Variants in KSR2 observed in about 807,000 individuals in gnomAD.
KSR2 encodes kinase suppressor of ras 2.
KSR2 carries 25 observed loss-of-function variants against 107.8 expected under a neutral mutation model. That is an observed-to-expected ratio of 0.23 (90% CI 0.17 to 0.32). The LOEUF is 0.32. Ranked by LOEUF, KSR2 falls within the 10% of genes least tolerant of loss-of-function variation. KSR2 has a pLI of 1.00. For synonymous variants in KSR2, 480 were observed against 507.0 expected (o/e 0.95, Z 0.71); for missense variants, 887 against 1,268.9 (o/e 0.70, Z 4.57).
chr12:117,796,954 C>T (rs1335266480), intron 3 of KSR2, among the ~76,000 whole-genome samples: 3 of 152,192 alleles, frequency 2.0e-5, no homozygotes, highest in Non-Finnish European at 2.9e-5. Flanking sequence ...CACCAAGTGC[C>T]TACTGAGTGC....
intron 1 of KSR2, among the ~76,000 whole-genome samples, chr12:117,866,076 G>A (rs374592497): frequency 5.3e-5 from 7 of 132,856 alleles, no homozygotes; most frequent in South Asian, 2.3e-4. Context: ...TCACTCTGTC[G>A]CCCAGGATGG....
rs147977465 is a variant in KSR2, at chr12:117,557,519, G to C, written c.1393+987C>G. The stretch of plus-strand genomic sequence containing the variant: ...GCCATAAATCGTGCATTTCTAACAA[G>C]CTCCCAGGTGATCCTGATGCTGCTG... On this transcript the variant is annotated intron_variant, in intron 8 of 19. Coordinates refer to ENST00000339824, the MANE Select transcript of KSR2 (RefSeq NM_173598.6). Among the ~76,000 whole-genome samples the C allele has an allele frequency of 2.1e-3, 325 of 152,296 alleles. 4 individuals carry two copies. The highest frequency in any genetic ancestry group is 1.4e-3 in the Non-Finnish European group (95 of 68,032).
chr12:117,736,631 G>A (rs549140797), intron 4 of KSR2, among the ~76,000 whole-genome samples: 11 of 152,088 alleles, frequency 7.2e-5, no homozygotes, highest in Admixed American at 2.0e-4. Flanking sequence ...GCAACGTGGC[G>A]AAACCCTGTC....
At chr12:117,875,490 C>A (rs899568805) in intron 1 of KSR2, among the ~76,000 whole-genome samples, 1 of 152,040 alleles carries the variant, frequency 6.6e-6, no homozygotes, top group African/African-American at 2.4e-5. Context: ...GGCTCTCAGC[C>A]CATTTTACAC....
At chr12:117,815,293 T>C (rs1891329155) in intron 3 of KSR2, among the ~76,000 whole-genome samples, 1 of 152,174 alleles carries the variant, frequency 6.6e-6, no homozygotes, top group Non-Finnish European at 1.5e-5. Flanking sequence ...GTTGGATCAT[T>C]ACACAATTAG....
At chr12:117,484,301 T>G in intron 16 of KSR2, 115 bp downstream of exon 16, 1 of 1,213,786 alleles carries the variant, frequency 8.2e-7, no homozygotes, top group Non-Finnish European at 1.2e-6. Context: ...CCCACTCAGC[T>G]CAGCAACCTC....
chr12:117,513,329 T>C (rs1218330111), intron 14 of KSR2, among the ~76,000 whole-genome samples: 1 of 152,234 alleles, frequency 6.6e-6, no homozygotes, highest in Non-Finnish European at 1.5e-5. Context: ...ATTTGATTTA[T>C]GGACCTAATT....
At chr12:117,864,880 T>C (rs1176623960) in intron 1 of KSR2, among the ~76,000 whole-genome samples, 1 of 152,114 alleles carries the variant, frequency 6.6e-6, no homozygotes, top group East Asian at 1.9e-4. Context: ...TTCTGAGACA[T>C]TGAGGATTAG....
intron 1 of KSR2, among the ~76,000 whole-genome samples, chr12:117,867,727 G>A (rs1893522783): frequency 6.6e-6 from 1 of 152,204 alleles, no homozygotes; most frequent in African/African-American, 2.4e-5. Flanking sequence ...ACTCTTGCCT[G>A]GCTATTGGCT....
chr12:117,490,824 A>G (rs1251376461), intron 14 of KSR2, among the ~76,000 whole-genome samples: 3 of 152,196 alleles, frequency 2.0e-5, no homozygotes, highest in African/African-American at 7.2e-5. Context: ...AACGTGTAAA[A>G]ATTGTACATA....
rs1373273492 is a variant in KSR2 at position 117,555,091 on chromosome 12, T to C, written c.1518+78A>G. On this transcript the variant is annotated intron_variant, in intron 9 of 19. Coordinates refer to ENST00000339824, the MANE Select transcript of KSR2 (RefSeq NM_173598.6). ...TAGGAGGGAGCGCCATACTCCCAGA[T>C]CAACCCTTCCTCCCTCCTACCCCTC... is the stretch of plus-strand genomic sequence containing the variant. 14 of 1,579,814 alleles carry C rather than the reference T, an allele frequency of 8.9e-6. No individual in the cohort carries two copies. The Admixed American group carries it at 2.4e-4, about 27-fold the overall frequency.
intron 3 of KSR2, among the ~76,000 whole-genome samples, chr12:117,794,649 C>G (rs1343434367): frequency 2.0e-5 from 3 of 149,610 alleles, no homozygotes; most frequent in Non-Finnish European, 4.5e-5. Flanking sequence ...TATGCACACT[C>G]AAAACACTCA....
At chr12:117,856,569 C>T (rs747830772) in intron 2 of KSR2, among the ~76,000 whole-genome samples, 15 of 152,060 alleles carry the variant, frequency 9.9e-5, no homozygotes, top group Admixed American at 5.9e-4. Flanking sequence ...ATCCACCTCC[C>T]GGGTTCAAGC....
At chr12:117,576,024 C>T (rs188619426) in intron 7 of KSR2, among the ~76,000 whole-genome samples, 1 of 152,194 alleles carries the variant, frequency 6.6e-6, no homozygotes, top group Non-Finnish European at 1.5e-5. Flanking sequence ...CTTACCCCCC[C>T]ACCCTATCCC....
chr12:117,869,439 G>A lies in KSR2; in HGVS notation c.181-9008C>T, dbSNP rs145567340. Among the ~76,000 whole-genome samples the A allele has an allele frequency of 1.5e-3, 234 of 152,268 alleles. 1 individual carries two copies. Among genetic ancestry groups the A allele is most frequent in the African/African-American group, 5.4e-3 (223 of 41,558 alleles). ...CAGAGCTCCCTTTGACCGCTCCCACGAATGCAGATCCCCATCCCTGGAGGT... is the reference window on the plus strand; with the variant it reads ...CAGAGCTCCCTTTGACCGCTCCCACAAATGCAGATCCCCATCCCTGGAGGT... On this transcript the variant is annotated intron_variant, in intron 1 of 19. Transcript: ENST00000339824.
chr12:117,895,015 A>G (rs1161756793), intron 1 of KSR2, among the ~76,000 whole-genome samples: 1 of 151,872 alleles, frequency 6.6e-6, no homozygotes, highest in African/African-American at 2.4e-5. Context: ...GGATTGCTTG[A>G]GTCCAGGAGT....
intron 14 of KSR2, among the ~76,000 whole-genome samples, chr12:117,488,585 G>A (rs1193399818): frequency 6.6e-6 from 1 of 152,148 alleles, no homozygotes; most frequent in East Asian, 1.9e-4. Context: ...TGCCATATGA[G>A]GATATAAGGA....
At chr12:117,935,203 AC>A (rs1379741971) in intron 1 of KSR2, among the ~76,000 whole-genome samples, 1 of 151,030 alleles carries the variant, frequency 6.6e-6, no homozygotes, top group Non-Finnish European at 1.5e-5. Flanking sequence ...TGGCCCGATC[AC>A]AGCTCACTGC....
Position 117,765,934 on chromosome 12 carries a change from C to T in KSR2, c.473-4410G>A, listed in dbSNP as rs572900563. ...GGGTGAAAACATCTATTCTGGGTGCCTTGTGACTCATCCCCTTTGTGCCCA... is the reference window on the plus strand; with the variant it reads ...GGGTGAAAACATCTATTCTGGGTGCTTTGTGACTCATCCCCTTTGTGCCCA... On this transcript the variant is annotated intron_variant, in intron 3 of 19. Coordinates refer to ENST00000339824, the MANE Select transcript of KSR2 (RefSeq NM_173598.6). Among the ~76,000 whole-genome samples, 8 of 152,306 alleles carry T rather than the reference C, an allele frequency of 5.3e-5. No homozygotes were observed. The East Asian group carries it at 1.2e-3, about 22-fold the overall frequency.
Sources: allele counts gnomAD v4.1 joint callset (sites outside exome capture counted in the v4.1 genomes callset), GRCh38; gene constraint gnomAD v4.1.1; transcripts MANE v1.5; gene names NCBI Gene and HGNC (gene_info 2026-07-23, HGNC 2026-07-21).